TULP4: variants seen among roughly 807,000 people sequenced by gnomAD.
The protein encoded by TULP4 is TUB like protein 4, also known as tubby-related protein 4.
Under a neutral mutation model 129.0 loss-of-function variants are expected in TULP4, and 16 were observed. The ratio of observed to expected loss-of-function variants is 0.12; its 90% CI spans 0.08 to 0.19. The LOEUF is 0.19. TULP4 is among the 10% of genes least tolerant of loss of function. The probability of loss-of-function intolerance (pLI) is 1.00; values close to 1 mark genes in which losing one functional copy is unlikely to be tolerated. For missense variants in TULP4, 1,842 were observed against 2,059.1 expected, an observed-to-expected ratio of 0.89 and a Z score of 2.04; for synonymous variants, 998 against 854.0, an observed-to-expected ratio of 1.17 and a Z score of -2.94.
chr6:158,469,160 A>G (rs919606119), intron 6 of TULP4, among the ~76,000 whole-genome samples: 7 of 152,226 alleles, frequency 4.6e-5, no homozygotes, highest in African/African-American at 1.7e-4. Context: ...CAGGACAAAA[A>G]TCCAGAACGG....
intron 1 of TULP4, among the ~76,000 whole-genome samples, chr6:158,247,037 A>G (rs568773101): frequency 6.6e-6 from 1 of 152,350 alleles, no homozygotes; most frequent in African/African-American, 2.4e-5. Context: ...AGCTTTGCAA[A>G]AGATACACAC....
chr6:158,472,722 G>A (rs1308432595), intron 6 of TULP4, among the ~76,000 whole-genome samples: 2 of 152,176 alleles, frequency 1.3e-5, no homozygotes, highest in South Asian at 2.1e-4. Context: ...AGGGTATTGC[G>A]TACAAAACCA....
chr6:158,248,884 T>A (rs1583674028), intron 1 of TULP4, among the ~76,000 whole-genome samples: 1 of 151,298 alleles, frequency 6.6e-6, no homozygotes, highest in Admixed American at 6.6e-5. Flanking sequence ...CGTTGACAGG[T>A]TTAGGTGGAA....
At chr6:158,245,819 CAT>C (rs1329528431) in intron 1 of TULP4, among the ~76,000 whole-genome samples, 1 of 152,138 alleles carries the variant, frequency 6.6e-6, no homozygotes, top group East Asian at 1.9e-4. Context: ...CACTTGGAAA[CAT>C]ATAGGCACAG....
At chr6:158,388,147 T>G (rs1777492920) in intron 1 of TULP4, among the ~76,000 whole-genome samples, 8 of 152,124 alleles carry the variant, frequency 5.3e-5, no homozygotes, top group Admixed American at 5.2e-4. Context: ...ATCTCATCTT[T>G]TTCTATTTTA....
chr6:158,244,334 C>A (rs1409051087), intron 1 of TULP4, among the ~76,000 whole-genome samples: 1 of 152,134 alleles, frequency 6.6e-6, no homozygotes, highest in African/African-American at 2.4e-5. Flanking sequence ...ACAAAATGTT[C>A]AGTTTTACTA....
At chr6:158,232,839 C>T (rs943384509) in intron 1 of TULP4, among the ~76,000 whole-genome samples, 4 of 152,212 alleles carry the variant, frequency 2.6e-5, no homozygotes, top group African/African-American at 9.6e-5. Context: ...TCCGCGAAGC[C>T]CCCGGGCGAG....
At position 158,506,848 on chromosome 6, in the gene TULP4, C is replaced by A. The variant is rs1249012235; in HGVS notation, c.*154C>A. ...GGCAGGCCCAGGAGAGGGCGCTGAC[C>A]TGTGGTCGTCATTTATTTGGTTGGG... On this transcript the variant is annotated 3_prime_UTR_variant, in exon 14 of 14. Coordinates refer to ENST00000367097, the MANE Select transcript of TULP4 (RefSeq NM_020245.5). The A allele has an allele frequency of 3.3e-6, 2 of 606,656 alleles. No individual in the cohort carries two copies. The highest frequency in any genetic ancestry group is 2.9e-6 in the Non-Finnish European group (1 of 340,428). 37.6% of individuals were successfully genotyped at this position (606,656 alleles called of 1,614,324 possible).
At chr6:158,375,557 T>C (rs2114894061) in intron 1 of TULP4, among the ~76,000 whole-genome samples, 1 of 152,224 alleles carries the variant, frequency 6.6e-6, no homozygotes, top group Middle Eastern at 3.4e-3. Context: ...AAGAAGTTAA[T>C]CAGGGAAAAG....
intron 1 of TULP4, among the ~76,000 whole-genome samples, chr6:158,297,030 G>T (rs1779047782): frequency 6.6e-6 from 1 of 152,114 alleles, no homozygotes; most frequent in Non-Finnish European, 1.5e-5. Context: ...TACCAGGGCT[G>T]GTGTTTCCCA....
chr6:158,345,903 C>G (rs1780294913), intron 1 of TULP4, among the ~76,000 whole-genome samples: 1 of 152,110 alleles, frequency 6.6e-6, no homozygotes, highest in African/African-American at 2.4e-5. Context: ...ACAGACACTC[C>G]CAAAGCAGAC....
intron 6 of TULP4, among the ~76,000 whole-genome samples, chr6:158,466,517 C>A (rs888441081): frequency 2.0e-5 from 3 of 152,122 alleles, no homozygotes; most frequent in African/African-American, 7.2e-5. Context: ...TGTTCAAGTC[C>A]TTTGCCCATT....
At position 158,456,899 on chromosome 6, in the gene TULP4, CG is replaced by C. The variant is rs1290284927; in HGVS notation, c.859+4632del. ...ACTTGGGATCTCGTTCTCTGTGCCC[CG>C]ACAGTGCTATATGTAGGCAATTTAC... On this transcript the variant is annotated intron_variant, in intron 5 of 13. Coordinates refer to ENST00000367097, the MANE Select transcript of TULP4 (RefSeq NM_020245.5). Among the ~76,000 whole-genome samples, 184 of 152,026 alleles carry C rather than the reference CG, an allele frequency of 1.2e-3. 1 individual carries two copies. Among genetic ancestry groups the C allele is most frequent in the Non-Finnish European group, 2.1e-3 (144 of 68,000 alleles).
chr6:158,380,831 T>G (rs1414203336), intron 1 of TULP4, among the ~76,000 whole-genome samples: 1 of 142,084 alleles, frequency 7.0e-6, no homozygotes, highest in Non-Finnish European at 1.5e-5. Flanking sequence ...GAGGCAGAGG[T>G]TGCAGTGAGC....
Position 158,479,928 on chromosome 6 carries a change from C to T in TULP4, c.1204C>T (p.Pro402Ser). ...DKDVSKLTLP[P>S]RLCSYLSTAF... Reference sequence around the variant, plus strand: ...GGACGTCAGCAAGCTGACTCTGCCCCCCCGCCTCTGCTCCTACCTCTCCAC... The same window carrying T: ...GGACGTCAGCAAGCTGACTCTGCCCTCCCGCCTCTGCTCCTACCTCTCCAC... The change falls in exon 7 of 14, where the codon CCC becomes TCC. Residue 402 changes from proline to serine, a missense_variant. Physicochemically the swap from Pro to Ser is moderately conservative, Grantham distance 74. Coordinates refer to ENST00000367097, the MANE Select transcript of TULP4 (RefSeq NM_020245.5). The T allele has an allele frequency of 1.2e-6, 2 of 1,611,166 alleles. No individual in the cohort carries two copies. Among genetic ancestry groups the T allele is most frequent in the Non-Finnish European group, 1.7e-6 (2 of 1,179,960 alleles).
chr6:158,323,591 G>A (rs1327184564), intron 1 of TULP4, among the ~76,000 whole-genome samples: 1 of 152,168 alleles, frequency 6.6e-6, no homozygotes, highest in African/African-American at 2.4e-5. Context: ...CATTACAGGA[G>A]GGCTGCCCCA....
chr6:158,452,014 C>G, intron 4 of TULP4, 120 bp from the exon 5 acceptor site: 2 of 1,425,188 alleles, frequency 1.4e-6, no homozygotes, highest in South Asian at 1.3e-5. Context: ...GCATCCCAAT[C>G]CAGAGTAGGA....
chr6:158,393,920 A>C (rs1777650516), intron 1 of TULP4, among the ~76,000 whole-genome samples: 1 of 152,234 alleles, frequency 6.6e-6, no homozygotes, highest in South Asian at 2.1e-4. Flanking sequence ...TCTCCCCAGA[A>C]AATGGGTTTT....
chr6:158,300,420 A>G (rs189366542), intron 1 of TULP4, among the ~76,000 whole-genome samples: 1 of 152,326 alleles, frequency 6.6e-6, no homozygotes, highest in African/African-American at 2.4e-5. Context: ...GGGAGTGGTT[A>G]AATTATGCTT....
Sources: gnomAD v4.1 joint callset for allele counts (sites outside exome capture counted in the v4.1 genomes callset) on GRCh38, gnomAD v4.1.1 for gene constraint, MANE v1.5 for transcripts, NCBI Gene and HGNC (gene_info 2026-07-23, HGNC 2026-07-21) for gene names.